MACROD2: variants seen among roughly 807,000 people sequenced by gnomAD.
The protein encoded by MACROD2 is ADP-ribose glycohydrolase MACROD2.
Under a neutral mutation model 70.4 loss-of-function variants are expected in MACROD2, and 36 were observed. The ratio of observed to expected loss-of-function variants is 0.51; its 90% CI spans 0.39 to 0.68. MACROD2 has a LOEUF of 0.68. Ranked by LOEUF, MACROD2 falls within the 30% of genes least tolerant of loss-of-function variation. The pLI is 0.00. For synonymous variants in MACROD2, 172 were observed against 178.8 expected, an observed-to-expected ratio of 0.96 and a Z score of 0.30; for missense variants, 496 against 538.4, an observed-to-expected ratio of 0.92 and a Z score of 0.78.
intron 8 of MACROD2, among the ~76,000 whole-genome samples, chr20:15,636,142 A>AT (rs2049365615): frequency 6.6e-6 from 1 of 150,448 alleles, no homozygotes. Flanking sequence ...AAAAAAAAGA[A>AT]ATCCCCTAGG....
chr20:15,485,980 A>G (rs16995810), intron 7 of MACROD2, among the ~76,000 whole-genome samples: 12,296 of 152,236 alleles, frequency 0.081, 747 homozygotes, highest in East Asian at 0.25. Flanking sequence ...AAACGTATCC[A>G]TATTACTAGG....
At chr20:14,982,104 T>C (rs2074806084) in intron 5 of MACROD2, among the ~76,000 whole-genome samples, 1 of 152,116 alleles carries the variant, frequency 6.6e-6, no homozygotes, top group Non-Finnish European at 1.5e-5. Context: ...GTGACTCTTG[T>C]TATGTTTTAG....
chr20:14,199,031 T>C (rs1174651250), intron 3 of MACROD2, among the ~76,000 whole-genome samples: 3 of 152,138 alleles, frequency 2.0e-5, no homozygotes, highest in Non-Finnish European at 4.4e-5. Context: ...TTCCTTCCTT[T>C]CTTCCTTCCT....
At chr20:15,278,710 C>T (rs546514966) in intron 6 of MACROD2, among the ~76,000 whole-genome samples, 53 of 152,280 alleles carry the variant, frequency 3.5e-4, no homozygotes, top group African/African-American at 1.2e-3. Flanking sequence ...CATATGATTT[C>T]GCTTACTCTC....
chr20:14,292,392 T>C (rs2082393979), intron 3 of MACROD2, among the ~76,000 whole-genome samples: 1 of 151,866 alleles, frequency 6.6e-6, no homozygotes, highest in Admixed American at 6.6e-5. Context: ...CCAAGGATGC[T>C]GCTGAACATA....
chr20:15,252,548 A>G (rs773649991), intron 6 of MACROD2, among the ~76,000 whole-genome samples: 1 of 152,220 alleles, frequency 6.6e-6, no homozygotes, highest in Non-Finnish European at 1.5e-5. Context: ...GTCACATTTC[A>G]TTAACTAGAA....
At chr20:15,378,299 A>G (rs2045593083) in intron 6 of MACROD2, among the ~76,000 whole-genome samples, 1 of 149,074 alleles carries the variant, frequency 6.7e-6, no homozygotes, top group African/African-American at 2.5e-5. Context: ...AAAAAAAAAA[A>G]AGGAAAGAAA....
chr20:14,958,930 C>G (rs1050990620), intron 5 of MACROD2, among the ~76,000 whole-genome samples: 1 of 152,084 alleles, frequency 6.6e-6, no homozygotes, highest in African/African-American at 2.4e-5. Context: ...CCTAAGAACA[C>G]TGCAAAATGT....
At chr20:14,348,917 A>G (rs2083091860) in intron 3 of MACROD2, among the ~76,000 whole-genome samples, 2 of 151,988 alleles carry the variant, frequency 1.3e-5, no homozygotes, top group South Asian at 4.1e-4. Flanking sequence ...AAAATACAAG[A>G]ATTAGCTGGG....
chr20:15,070,744 G>T (rs1003125380), intron 5 of MACROD2, among the ~76,000 whole-genome samples: 7 of 152,066 alleles, frequency 4.6e-5, no homozygotes, highest in African/African-American at 1.7e-4. Flanking sequence ...TACCATGCTT[G>T]CACAGCTGCA....
chr20:15,998,396 T>G (rs2066661345), intron 15 of MACROD2, among the ~76,000 whole-genome samples: 1 of 152,184 alleles, frequency 6.6e-6, no homozygotes, highest in African/African-American at 2.4e-5. Context: ...TTCTTCGTGA[T>G]TCAGCCATGT....
At chr20:15,545,785 G>A (rs558435235) in intron 8 of MACROD2, among the ~76,000 whole-genome samples, 2 of 152,236 alleles carry the variant, frequency 1.3e-5, no homozygotes, top group East Asian at 3.9e-4. Flanking sequence ...ATACCTGGAA[G>A]TATTGACCAG....
At chr20:15,119,250 C>G (rs1055402246) in intron 5 of MACROD2, among the ~76,000 whole-genome samples, 1 of 152,170 alleles carries the variant, frequency 6.6e-6, no homozygotes, top group Admixed American at 6.5e-5. Flanking sequence ...ATATTTCCCA[C>G]CCTTCTCTAC....
chr20:15,789,668 A>G (rs561037928), intron 8 of MACROD2, among the ~76,000 whole-genome samples: 61 of 152,238 alleles, frequency 4.0e-4, no homozygotes, highest in African/African-American at 1.3e-3. Context: ...TGAATTGAAA[A>G]GTGAAAAAAT....
At chr20:14,357,414 A>G (rs987016252) in intron 3 of MACROD2, among the ~76,000 whole-genome samples, 1 of 152,222 alleles carries the variant, frequency 6.6e-6, no homozygotes, top group Non-Finnish European at 1.5e-5. Context: ...TTTAAATGAA[A>G]AGATAAACTT....
intron 7 of MACROD2, among the ~76,000 whole-genome samples, chr20:15,449,099 T>A (rs1369770511): frequency 5.9e-5 from 9 of 152,200 alleles, no homozygotes; most frequent in Admixed American, 2.6e-4. Flanking sequence ...CTCATTAGTG[T>A]CTAGTCACCA....
At chr20:14,212,747 A>G (rs2122137996) in intron 3 of MACROD2, among the ~76,000 whole-genome samples, 1 of 151,632 alleles carries the variant, frequency 6.6e-6, no homozygotes, top group Non-Finnish European at 1.5e-5. Flanking sequence ...TGAGGATTAA[A>G]CAGAGTAAAT....
At chr20:15,373,036 G>A (rs1468799819) in intron 6 of MACROD2, among the ~76,000 whole-genome samples, 2 of 151,840 alleles carry the variant, frequency 1.3e-5, no homozygotes, top group Non-Finnish European at 2.9e-5. Flanking sequence ...CTCCAGCCTG[G>A]GCCACAGGAG....
At chr20:15,488,713 G>T (rs1211735788) in intron 7 of MACROD2, among the ~76,000 whole-genome samples, 1 of 152,174 alleles carries the variant, frequency 6.6e-6, no homozygotes, top group African/African-American at 2.4e-5. Flanking sequence ...TCTCTCAGTA[G>T]ATCCCAATAT....
Sources: gnomAD v4.1 joint callset for allele counts (sites outside exome capture counted in the v4.1 genomes callset) on GRCh38, gnomAD v4.1.1 for gene constraint, MANE v1.5 for transcripts, NCBI Gene and HGNC (gene_info 2026-07-23, HGNC 2026-07-21) for gene names.